Variants in POLR3B observed in about 807,000 individuals in gnomAD.
POLR3B encodes DNA-directed RNA polymerase III subunit RPC2.
In POLR3B, 96 loss-of-function variants were observed where a neutral mutation model predicts 147.4. The ratio of observed to expected loss-of-function variants is 0.65; its 90% CI spans 0.55 to 0.77. The LOEUF (loss-of-function observed/expected upper bound fraction) is 0.77. Among genes scored for constraint, POLR3B ranks in the 30% least tolerant of loss-of-function variants. The pLI, the probability that POLR3B is intolerant of heterozygous loss-of-function variation, is 0.00. For synonymous variants in POLR3B, 461 were observed against 485.9 expected (o/e 0.95, Z 0.67); for missense variants, 1,036 against 1,413.5 (o/e 0.73, Z 4.28).
At chr12:106,395,029 G>A (rs765319786) in intron 10 of POLR3B, among the ~76,000 whole-genome samples, 12 of 152,144 alleles carry the variant, frequency 7.9e-5, no homozygotes, top group Non-Finnish European at 5.9e-5. Flanking sequence ...AAGAAACACC[G>A]AATCAGCCTG....
At chr12:106,385,248 C>G (rs1157693779) in intron 9 of POLR3B, among the ~76,000 whole-genome samples, 1 of 152,150 alleles carries the variant, frequency 6.6e-6, no homozygotes, top group Non-Finnish European at 1.5e-5. Context: ...GTTCAGTATT[C>G]ACTATTCAGT....
chr12:106,448,423 A>ATT (rs2037751837), intron 19 of POLR3B, among the ~76,000 whole-genome samples: 8 of 48,522 alleles, frequency 1.6e-4, no homozygotes, highest in Admixed American at 2.0e-4. Context: ...TACATACGTT[A>ATT]TTTCTTTTTT....
At chr12:106,368,264 C>T (rs2036558545) in intron 4 of POLR3B, among the ~76,000 whole-genome samples, 1 of 151,416 alleles carries the variant, frequency 6.6e-6, no homozygotes, top group African/African-American at 2.4e-5. Context: ...CTAGAGTCTC[C>T]CTTTTATTGG....
In POLR3B at chr12:106,459,068, AC is replaced by A. The variant is rs537101818; in HGVS notation, c.2453-182del. 9.9e-5 allele frequency among the ~76,000 whole-genome samples: 15 copies of A among 151,998 alleles called. No homozygotes were observed. In the South Asian group the frequency reaches 3.1e-3, roughly 32 times the overall value. On this transcript the variant is annotated intron_variant, in intron 21 of 27. Coordinates refer to ENST00000228347, the MANE Select transcript of POLR3B (RefSeq NM_018082.6). ...GGGTGTGTGAGTCTCACTCTGTTGC[AC>A]AGGCTGGAGTGCAGTGGCATGACCA... is the stretch of plus-strand genomic sequence containing the variant.
chr12:106,506,138 A>C (rs977269169), intron 27 of POLR3B, among the ~76,000 whole-genome samples: 2 of 152,154 alleles, frequency 1.3e-5, no homozygotes, highest in Admixed American at 6.5e-5. Context: ...TGAGATGTCT[A>C]TTTGTCTTTT....
chr12:106,431,460 T>G (rs1440348860), intron 14 of POLR3B, among the ~76,000 whole-genome samples: 1 of 152,200 alleles, frequency 6.6e-6, no homozygotes, highest in East Asian at 1.9e-4. Context: ...GTCACCTGTC[T>G]TAAGTATTTT....
intron 9 of POLR3B, among the ~76,000 whole-genome samples, chr12:106,387,976 G>A (rs2036862850): frequency 6.6e-6 from 1 of 152,208 alleles, no homozygotes; most frequent in Non-Finnish European, 1.5e-5. Flanking sequence ...CTCTTTGAGT[G>A]TTGTGTGGCC....
At chr12:106,484,505 C>G (rs1415376887) in intron 23 of POLR3B, among the ~76,000 whole-genome samples, 1 of 151,996 alleles carries the variant, frequency 6.6e-6, no homozygotes, top group Non-Finnish European at 1.5e-5. Flanking sequence ...AATATAAACC[C>G]CAACTACTTA....
At chr12:106,393,298 T>A in intron 10 of POLR3B, 145 bp downstream of exon 10, 1 of 1,244,398 alleles carries the variant, frequency 8.0e-7, no homozygotes, top group Admixed American at 1.7e-5. Flanking sequence ...GAAGTTTCTT[T>A]AACTCACTTT....
At position 106,363,807 on chromosome 12, in the gene POLR3B, A is replaced by T. The variant is rs1014991608; in HGVS notation, c.73-63A>T. 10 of 1,233,840 alleles carry T rather than the reference A, an allele frequency of 8.1e-6. No individual in the cohort carries two copies. In the African/African-American group the frequency reaches 1.5e-4, roughly 19 times the overall value. 76.4% of individuals were successfully genotyped at this position (1,233,840 alleles called of 1,614,324 possible). A position where few individuals can be genotyped will look rare whatever the true frequency, so the allele number is the denominator to read the frequency against. On this transcript the variant is annotated intron_variant, in intron 1 of 27. Coordinates refer to ENST00000228347, the MANE Select transcript of POLR3B (RefSeq NM_018082.6). Reference sequence around the variant, plus strand: ...CCTTTGCTTATTTTGGAACATTAAAATAACTTATGAAAGTACTGTTGCTGG... The same window carrying T: ...CCTTTGCTTATTTTGGAACATTAAATTAACTTATGAAAGTACTGTTGCTGG...
At chr12:106,437,910 C>G in intron 18 of POLR3B, 131 bp downstream of exon 18, 1 of 679,672 alleles carries the variant, frequency 1.5e-6, no homozygotes, top group Non-Finnish European at 2.6e-6. Flanking sequence ...ATACAATCTT[C>G]TTTTTTTTGT....
chr12:106,366,186 T>C (rs1408177546), intron 2 of POLR3B, among the ~76,000 whole-genome samples: 1 of 152,236 alleles, frequency 6.6e-6, no homozygotes, highest in Non-Finnish European at 1.5e-5. Context: ...TGCTGTCAGA[T>C]ATGTGGTCTG....
chr12:106,466,109 C>T (rs532684857), intron 23 of POLR3B, among the ~76,000 whole-genome samples: 43 of 152,276 alleles, frequency 2.8e-4, no homozygotes, highest in African/African-American at 9.6e-4. Context: ...ACCTCTCCAG[C>T]GTCTGTTGTT....
chr12:106,507,151 C>T (rs1293010832), intron 27 of POLR3B, among the ~76,000 whole-genome samples: 1 of 152,068 alleles, frequency 6.6e-6, no homozygotes, highest in African/African-American at 2.4e-5. Context: ...AGGTAATTAG[C>T]TCATAGAGGA....
intron 10 of POLR3B, among the ~76,000 whole-genome samples, chr12:106,400,617 C>G (rs1451471314): frequency 7.2e-5 from 11 of 152,320 alleles, no homozygotes; most frequent in Admixed American, 5.9e-4. Context: ...GAAATTATAA[C>G]AAACTGTCTC....
intron 6 of POLR3B, among the ~76,000 whole-genome samples, chr12:106,370,222 A>G (rs1290730108): frequency 6.6e-6 from 1 of 152,252 alleles, no homozygotes; most frequent in East Asian, 1.9e-4. Flanking sequence ...CTCAGTCCAC[A>G]TAATTTCTGT....
chr12:106,359,910 T>C (rs1263579696), intron 1 of POLR3B, among the ~76,000 whole-genome samples: 1 of 152,218 alleles, frequency 6.6e-6, no homozygotes, highest in African/African-American at 2.4e-5. Flanking sequence ...TCCAGAGAGC[T>C]GAAGAAATAA....
chr12:106,458,746 C>G (rs185946475), intron 21 of POLR3B, among the ~76,000 whole-genome samples: 1 of 152,096 alleles, frequency 6.6e-6, no homozygotes, highest in East Asian at 1.9e-4. Flanking sequence ...TTGGAAAATA[C>G]GCGCTGTGAC....
intron 20 of POLR3B, among the ~76,000 whole-genome samples, chr12:106,456,766 G>T (rs575850409): frequency 3.3e-5 from 5 of 152,126 alleles, no homozygotes; most frequent in Non-Finnish European, 7.3e-5. Flanking sequence ...AAACAGATAG[G>T]TTAAGCAGGT....
Sources: allele counts gnomAD v4.1 joint callset (sites outside exome capture counted in the v4.1 genomes callset), GRCh38; gene constraint gnomAD v4.1.1; transcripts MANE v1.5; gene names NCBI Gene and HGNC (gene_info 2026-07-23, HGNC 2026-07-21).